IFT172: variants seen among roughly 807,000 people sequenced by gnomAD.
The protein encoded by IFT172 is intraflagellar transport 172.
Under a neutral mutation model 248.9 loss-of-function variants are expected in IFT172, and 164 were observed. That is an observed-to-expected ratio of 0.66 (90% CI 0.58 to 0.75). The LOEUF is 0.75. Ranked by LOEUF, IFT172 falls within the 30% of genes least tolerant of loss-of-function variation. IFT172 has a pLI of 0.00. For missense variants in IFT172, 1,950 were observed against 2,192.4 expected, an observed-to-expected ratio of 0.89 and a Z score of 2.21; for synonymous variants, 729 against 791.6, an observed-to-expected ratio of 0.92 and a Z score of 1.33.
rs367874978 is a variant in IFT172 at position 27,461,418 on chromosome 2, C to T, written c.2293G>A (p.Asp765Asn). The T allele has an allele frequency of 1.2e-5, 19 of 1,614,050 alleles. No individual in the cohort carries two copies. The highest frequency in any genetic ancestry group is 1.6e-5 in the Non-Finnish European group (19 of 1,180,020). Residue 765 changes from aspartate (D) to asparagine (N), a missense_variant, in exon 22 of 48, where the codon GAT (aspartate) becomes AAT (asparagine). By Grantham distance (23) the Asp-to-Asn change is conservative (BLOSUM62 1). This residue lies in a region of IFT172 where 1,166 missense variants were observed against 1,254.1 expected (regional missense o/e 0.93). Transcript: ENST00000260570. ...TAGAGGCTGATGGCTGCTAGCCCAT[C>T]CCCTTGGCTCTCCTGTAGTTCACCT... ...RAGELQESQG[D>N]GLAAISLYLK...
At position 27,457,889 on chromosome 2, in the gene IFT172, C is replaced by T; in HGVS notation, c.3063G>A (p.Gly1021=). The change falls in exon 28 of 48, where the codon GGG becomes GGA. Residue 1021 remains glycine, a synonymous_variant. Coordinates refer to ENST00000260570, the MANE Select transcript of IFT172 (RefSeq NM_015662.3). ...KLYDDMIRLV[G]KHHPDLLSDT... ...CACTGAGGAGATCTGGATGGTGCTT[C>T]CCTACCAGGCGGATCATGTCATCAT... 1 of 1,614,170 alleles carries T rather than the reference C, an allele frequency of 6.2e-7. No homozygotes were observed. The highest frequency in any genetic ancestry group is 8.5e-7 in the Non-Finnish European group (1 of 1,180,018).
chr2:27,454,747 G>T lies in IFT172; in HGVS notation c.3372-87C>A. 1 of 1,128,674 alleles carries T rather than the reference G, an allele frequency of 8.9e-7. No homozygotes were observed. Among genetic ancestry groups the T allele is most frequent in the Non-Finnish European group, 1.3e-6 (1 of 762,188 alleles). The allele number at this position is 1,128,674 out of a possible 1,614,324, so 69.9% of individuals were successfully genotyped here. A position where few individuals can be genotyped will look rare whatever the true frequency, so the allele number is the denominator to read the frequency against. On this transcript the variant is annotated intron_variant, in intron 30 of 47. Transcript: ENST00000260570. This position sits in a 1 kb window ranked among gnomAD's most constrained non-coding sequence, Gnocchi z 4.2. ...GACAAAACAGAGAAAGGACAGAGTTGAGGGGAGAAAAAGTGACAGATTTAA... is the reference window on the plus strand; with the variant it reads ...GACAAAACAGAGAAAGGACAGAGTTTAGGGGAGAAAAAGTGACAGATTTAA...
intron 42 of IFT172, among the ~76,000 whole-genome samples, chr2:27,446,848 C>T (rs1292432204): frequency 2.4e-4 from 36 of 151,406 alleles, no homozygotes; most frequent in African/African-American, 8.2e-4. Context: ...TACAGGCGCC[C>T]GCCACCGTGC....
At position 27,480,014 on chromosome 2, in the gene IFT172, C is replaced by A; in HGVS notation, c.909+12G>T. On this transcript the variant is annotated intron_variant, in intron 9 of 47. Transcript: ENST00000260570. The stretch of plus-strand genomic sequence containing the variant: ...AAGTCACCAATCCAGAAAGGGATTA[C>A]TAGTAACACACCACACAGAGCCGTG... The A allele has an allele frequency of 6.2e-7, 1 of 1,609,854 alleles. No individual in the cohort carries two copies. The highest frequency in any genetic ancestry group is 8.5e-7 in the Non-Finnish European group (1 of 1,178,510).
chr2:27,445,154 A>G lies in IFT172; in HGVS notation c.5069-49T>C. On this transcript the variant is annotated intron_variant, in intron 46 of 47. Transcript: ENST00000260570. The surrounding 1 kb of genome is among the most constrained non-coding windows in gnomAD (Gnocchi z 4.4). Reference sequence around the variant, plus strand: ...AACTGGGGTTTGAGAGAGATTGAGGAGGGAAAAATGAGGAGCAGCCTGGGG... The same window carrying G: ...AACTGGGGTTTGAGAGAGATTGAGGGGGGAAAAATGAGGAGCAGCCTGGGG... 1 of 1,609,542 alleles carries G rather than the reference A, an allele frequency of 6.2e-7. No individual in the cohort carries two copies. Among genetic ancestry groups the G allele is most frequent in the Non-Finnish European group, 8.5e-7 (1 of 1,177,262 alleles).
rs1486214074 is a variant in IFT172, at chr2:27,445,980, G to C, written c.4764C>G (p.Gly1588=). ...GGAAGATGAATGCCATGTTATCCCA[G>C]CCAACTGCCTGCAGCAAAGAAGAGT... The part of the protein sequence containing the change: ...YEAGIAAKAV[G]WDNMAFIFLN... The change falls in exon 44 of 48, where the codon GGC becomes GGG. Residue 1588 remains glycine, a synonymous_variant. Coordinates refer to ENST00000260570, the MANE Select transcript of IFT172 (RefSeq NM_015662.3). This position sits in a 1 kb window ranked among gnomAD's most constrained non-coding sequence, Gnocchi z 4.4. The C allele has an allele frequency of 1.2e-6, 2 of 1,614,108 alleles. No homozygotes were observed. Among genetic ancestry groups the C allele is most frequent in the Non-Finnish European group, 1.7e-6 (2 of 1,180,046 alleles).
chr2:27,463,059 G>C (rs776031381), intron 19 of IFT172, 38 bp downstream of exon 19: 1 of 1,599,162 alleles, frequency 6.3e-7, no homozygotes, highest in South Asian at 1.1e-5. Flanking sequence ...AAATCAGCTT[G>C]GGAGACAGAC....
In IFT172 at chr2:27,457,703, G is replaced by A; in HGVS notation, c.3164C>T (p.Ala1055Val). 6.2e-7 allele frequency: 1 copy of A among 1,614,194 alleles called. No homozygotes were observed. Among genetic ancestry groups the A allele is most frequent in the Non-Finnish European group, 8.5e-7 (1 of 1,180,036 alleles). ...GTTCACTGTTGCCTTCCATTCCTGG[G>A]CCTCGAGGTAGTGGTACTCAGCCTC... ...LQEAEYHYLEAQEWKATVNMY... is the reference protein window; with the variant it reads ...LQEAEYHYLEVQEWKATVNMY... The change falls in exon 29 of 48, where the codon GCC becomes GTC. Residue 1055 changes from alanine (A) to valine (V), a missense_variant. Transcript: ENST00000260570.
At chr2:27,459,276 A>G (rs879384673) in intron 25 of IFT172, 102 bp downstream of exon 25, 10 of 1,436,996 alleles carry the variant, frequency 7.0e-6, no homozygotes, top group African/African-American at 1.4e-5. Flanking sequence ...TGGAGCCCAG[A>G]AAGAAGGATC....
chr2:27,489,229 G>C (rs1668984527), intron 1 of IFT172, among the ~76,000 whole-genome samples: 1 of 152,142 alleles, frequency 6.6e-6, no homozygotes, highest in African/African-American at 2.4e-5. Flanking sequence ...TACACGGTTC[G>C]GTCTTTGCAC....
chr2:27,455,697 C>T (rs773745430), intron 30 of IFT172: 19 of 312,380 alleles, frequency 6.1e-5, no homozygotes, highest in Non-Finnish European at 9.1e-5. Context: ...GGCAACAGAG[C>T]GAGACTCTGT....
rs780110 is a variant in IFT172 at position 27,462,521 on chromosome 2, G to A, written c.2115+180C>T. ...AAGTTTGTCTAGAAAAGTAAGGACTGACACAAGAGAAGGAAATTAAGAAAA... is the reference window on the plus strand; with the variant it reads ...AAGTTTGTCTAGAAAAGTAAGGACTAACACAAGAGAAGGAAATTAAGAAAA... On this transcript the variant is annotated intron_variant, in intron 20 of 47. Transcript: ENST00000260570. Among the ~76,000 whole-genome samples, 82,996 of 152,090 alleles carry A rather than the reference G, an allele frequency of 0.55. 25,363 individuals are homozygous for A. Among genetic ancestry groups the A allele is most frequent in the African/African-American group, 0.83 (34,346 of 41,500 alleles).
chr2:27,463,529 C>CTT (rs35768559), intron 18 of IFT172, among the ~76,000 whole-genome samples: 108 of 129,714 alleles, frequency 8.3e-4, no homozygotes, highest in African/African-American at 2.9e-3. Flanking sequence ...ATTCTTTTCT[C>CTT]TTTTTTTTTT....
intron 7 of IFT172, among the ~76,000 whole-genome samples, chr2:27,482,027 G>C (rs1668415388): frequency 2.7e-5 from 4 of 150,268 alleles, no homozygotes; most frequent in Admixed American, 2.6e-4. Context: ...TCTGTCGCCG[G>C]GGCTGCAGTG....
rs150054740 is a variant in IFT172, at chr2:27,478,575, C to T, written c.1006-419G>A. 3.9e-5 allele frequency among the ~76,000 whole-genome samples: 6 copies of T among 152,294 alleles called. No homozygotes were observed. The South Asian group carries it at 1.0e-3, about 26-fold the overall frequency. On this transcript the variant is annotated intron_variant, in intron 10 of 47. Transcript: ENST00000260570. ...CCTCCTGTCTCGGCCTTCTGAGTAG[C>T]TGAGACTACAGGCATGTGCCACTGC...
At chr2:27,484,681 G>A (rs943554267) in intron 3 of IFT172, among the ~76,000 whole-genome samples, 3 of 152,072 alleles carry the variant, frequency 2.0e-5, no homozygotes, top group Non-Finnish European at 4.4e-5. Context: ...TTCTTCCCTG[G>A]CCCAGTAGTA....
intron 18 of IFT172, among the ~76,000 whole-genome samples, chr2:27,464,967 G>A (rs921314059): frequency 6.0e-5 from 9 of 150,616 alleles, no homozygotes; most frequent in African/African-American, 2.0e-4. Flanking sequence ...TGTCACCCAG[G>A]CTGGAGTACA....
rs377514145 is a variant in IFT172 at position 27,461,040 on chromosome 2, G to T, written c.2496C>A (p.Tyr832Ter). 6.2e-7 allele frequency: 1 copy of T among 1,614,128 alleles called. No individual in the cohort carries two copies. Among genetic ancestry groups the T allele is most frequent in the Non-Finnish European group, 8.5e-7 (1 of 1,180,032 alleles). The change falls in exon 23 of 48, where the codon TAC (tyrosine) becomes TAA (stop). Residue 832 changes from tyrosine to a stop codon, truncating the protein, a stop_gained. Transcript: ENST00000260570. LOFTEE classifies it high-confidence loss of function. The part of the protein sequence containing the change: ...IHNPQKALEC[Y>*]RKGNAFMKAV... ...CTTTCATGAATGCGTTGCCTTTACG[G>T]TAGCACTCCAGGGCCTTCTGTGGAT...
intron 4 of IFT172, 50 bp from the exon 5 acceptor site, chr2:27,483,987 C>T: frequency 6.5e-7 from 1 of 1,539,302 alleles, no homozygotes; most frequent in Non-Finnish European, 9.0e-7. Context: ...TGTGGGCCAG[C>T]ACTTTTATAA....
Sources: allele counts gnomAD v4.1 joint callset (sites outside exome capture counted in the v4.1 genomes callset), GRCh38; gene constraint gnomAD v4.1.1; regional missense constraint gnomAD v4.1.1; non-coding constraint Gnocchi (gnomAD v3.1); transcripts MANE v1.5; gene names NCBI Gene and HGNC (gene_info 2026-07-23, HGNC 2026-07-21).